RALGPS2: variants seen among roughly 807,000 people sequenced by gnomAD.
The protein encoded by RALGPS2 is Ral GEF with PH domain and SH3 binding motif 2.
In RALGPS2, 43 loss-of-function variants were observed where a neutral mutation model predicts 86.8. That is an observed-to-expected ratio of 0.50 (90% CI 0.39 to 0.64). RALGPS2 has a LOEUF of 0.64. Ranked by LOEUF, RALGPS2 falls within the 30% of genes least tolerant of loss-of-function variation. The pLI, the probability that RALGPS2 is intolerant of heterozygous loss-of-function variation, is 0.00. For synonymous variants in RALGPS2, 243 were observed against 231.3 expected (o/e 1.05, Z -0.46); for missense variants, 536 against 694.6 (o/e 0.77, Z 2.57).
At position 178,865,635 on chromosome 1, in the gene RALGPS2, T is replaced by G. The variant is rs577502486; in HGVS notation, c.608-11863T>G. ...GGTACCAGGAATGTGTATGCACATTTCTTTGCTTCCTCTTTACCATCTGTG... is the reference window on the plus strand; with the variant it reads ...GGTACCAGGAATGTGTATGCACATTGCTTTGCTTCCTCTTTACCATCTGTG... On this transcript the variant is annotated intron_variant, in intron 8 of 19. Transcript: ENST00000367635. 9.9e-6 allele frequency: 16 copies of G among 1,614,094 alleles called. No homozygotes were observed. The South Asian group carries it at 1.5e-4, about 16-fold the overall frequency.
intron 19 of RALGPS2, among the ~76,000 whole-genome samples, chr1:178,915,245 T>G (rs1211833130): frequency 6.6e-6 from 1 of 152,234 alleles, no homozygotes; most frequent in African/African-American, 2.4e-5. Flanking sequence ...TTCTTTTTTT[T>G]TCTTTGAGAC....
rs1240136788 is a variant in RALGPS2, at chr1:178,919,829, G to A, written c.*3470G>A. On this transcript the variant is annotated 3_prime_UTR_variant, in exon 20 of 20. Coordinates refer to ENST00000367635, the MANE Select transcript of RALGPS2 (RefSeq NM_152663.5). ...CACGTAATCATCTTCTGCAAACAAG[G>A]GGTGCCAGTGTTGCCTAACAGAAGA... is the stretch of plus-strand genomic sequence containing the variant. 4 of 151,932 alleles carry A rather than the reference G, an allele frequency of 2.6e-5. No individual in the cohort carries two copies. Among genetic ancestry groups the A allele is most frequent in the Admixed American group, 1.3e-4 (2 of 15,246 alleles). The allele number at this position is 151,932 out of a possible 1,614,324, so 9.4% of individuals were successfully genotyped here. A position where few individuals can be genotyped will look rare whatever the true frequency, so the allele number is the denominator to read the frequency against.
At position 178,833,444 on chromosome 1, in the gene RALGPS2, A is replaced by T; in HGVS notation, c.501A>T (p.Lys167Asn). The T allele has an allele frequency of 6.6e-7, 1 of 1,512,304 alleles. No individual in the cohort carries two copies. Among genetic ancestry groups the T allele is most frequent in the Non-Finnish European group, 8.7e-7 (1 of 1,142,960 alleles). The allele number at this position is 1,512,304 out of a possible 1,614,324, so 93.7% of individuals were successfully genotyped here. A position where few individuals can be genotyped will look rare whatever the true frequency, so the allele number is the denominator to read the frequency against. ...TTTAGTTATTAAGTCGAAAAGACAA[A>T]ACTACCTTTGAAAAATTAGAATATG... is the stretch of plus-strand genomic sequence containing the variant. ...KTWALLSRKD[K>N]TTFEKLEYVM... is the part of the protein sequence containing the mutation. The change falls in exon 8 of 20, where the codon AAA (lysine) becomes AAT (asparagine). Residue 167 changes from lysine (K) to asparagine (N), a missense_variant. Transcript: ENST00000367635.
At chr1:178,839,620 C>T (rs1436583889) in intron 8 of RALGPS2, among the ~76,000 whole-genome samples, 1 of 152,018 alleles carries the variant, frequency 6.6e-6, no homozygotes, top group East Asian at 1.9e-4. Context: ...AGCAAAATAA[C>T]CAGCGAACAT....
At chr1:178,850,331 A>G (rs1203787485) in intron 8 of RALGPS2, 5 of 152,638 alleles carry the variant, frequency 3.3e-5, no homozygotes, top group Non-Finnish European at 7.3e-5. Flanking sequence ...TCTGTAGCAC[A>G]CTAAATATTC....
intron 7 of RALGPS2, among the ~76,000 whole-genome samples, chr1:178,825,334 T>A (rs892797842): frequency 1.3e-5 from 2 of 152,010 alleles, no homozygotes; most frequent in African/African-American, 4.8e-5. Flanking sequence ...CTAAGCCAAG[T>A]AAAAGGAGGA....
intron 8 of RALGPS2, among the ~76,000 whole-genome samples, chr1:178,844,195 T>C (rs1656754429): frequency 6.6e-6 from 1 of 152,210 alleles, no homozygotes; most frequent in African/African-American, 2.4e-5. Context: ...TGCTATGCTT[T>C]ATTCATTATG....
At chr1:178,813,792 C>G (rs1012982801) in intron 6 of RALGPS2, among the ~76,000 whole-genome samples, 24 of 152,218 alleles carry the variant, frequency 1.6e-4, no homozygotes, top group African/African-American at 5.5e-4. Context: ...TAAAGCCTTT[C>G]AACTGATCAA....
At chr1:178,731,797 TATG>T (rs1209358516) in intron 1 of RALGPS2, among the ~76,000 whole-genome samples, 1 of 152,172 alleles carries the variant, frequency 6.6e-6, no homozygotes, top group Non-Finnish European at 1.5e-5. Flanking sequence ...GGAGAGGAGA[TATG>T]ATCTAGTTTA....
intron 6 of RALGPS2, among the ~76,000 whole-genome samples, chr1:178,815,764 C>A (rs1251229448): frequency 1.3e-5 from 2 of 152,134 alleles, no homozygotes; most frequent in Non-Finnish European, 2.9e-5. Flanking sequence ...ACAACATTTC[C>A]TCCATATTGC....
chr1:178,776,402 A>AT (rs956411527), intron 1 of RALGPS2, among the ~76,000 whole-genome samples: 5 of 151,918 alleles, frequency 3.3e-5, no homozygotes, highest in South Asian at 2.1e-4. Context: ...TGTACATTTG[A>AT]TTTTTTTCCC....
At chr1:178,809,796 T>G (rs55958411) in intron 5 of RALGPS2, among the ~76,000 whole-genome samples, 28,456 of 152,096 alleles carry the variant, frequency 0.19, 3,169 homozygotes, top group Middle Eastern at 0.31. Context: ...AGGCAGGGGC[T>G]GCATGGTCTT....
At chr1:178,736,306 T>C (rs1426291433) in intron 1 of RALGPS2, among the ~76,000 whole-genome samples, 1 of 151,664 alleles carries the variant, frequency 6.6e-6, no homozygotes. Context: ...AGATTACAGG[T>C]GCCTACCACC....
intron 6 of RALGPS2, among the ~76,000 whole-genome samples, chr1:178,816,797 C>T (rs533061372): frequency 6.6e-6 from 1 of 151,638 alleles, no homozygotes; most frequent in East Asian, 2.0e-4. Flanking sequence ...CAACCTCTGC[C>T]TCCTAGGTTC....
intron 16 of RALGPS2, among the ~76,000 whole-genome samples, chr1:178,895,976 G>A (rs1659923121): frequency 6.6e-6 from 1 of 151,976 alleles, no homozygotes; most frequent in Admixed American, 6.6e-5. Flanking sequence ...TAAGAAGAAA[G>A]TATAGCTAGA....
chr1:178,819,526 C>G (rs1327461606), intron 6 of RALGPS2, among the ~76,000 whole-genome samples: 1 of 152,164 alleles, frequency 6.6e-6, no homozygotes, highest in Non-Finnish European at 1.5e-5. Flanking sequence ...AGGCCCTGGG[C>G]AATGTGTCCC....
intron 2 of RALGPS2, among the ~76,000 whole-genome samples, chr1:178,779,662 C>G (rs1341228641): frequency 6.6e-6 from 1 of 152,202 alleles, no homozygotes; most frequent in Admixed American, 6.5e-5. Context: ...TAGTCCAAGC[C>G]TTTTCTCTAA....
chr1:178,731,422 A>G (rs960496790), intron 1 of RALGPS2, among the ~76,000 whole-genome samples: 1 of 151,476 alleles, frequency 6.6e-6, no homozygotes, highest in African/African-American at 2.4e-5. Context: ...AGCTGGGATT[A>G]CAAGCATGCG....
chr1:178,849,945 C>T (rs1657066379), intron 8 of RALGPS2: 1 of 152,360 alleles, frequency 6.6e-6, no homozygotes, highest in Non-Finnish European at 1.5e-5. Flanking sequence ...GGCAAGGTCA[C>T]CTCTAAGCAG....
Sources: allele counts gnomAD v4.1 joint callset (sites outside exome capture counted in the v4.1 genomes callset), GRCh38; gene constraint gnomAD v4.1.1; transcripts MANE v1.5; gene names NCBI Gene and HGNC (gene_info 2026-07-23, HGNC 2026-07-21).